The following POLQ variants were observed in gnomAD, a reference collection of about 807,000 sequenced individuals.
POLQ encodes the protein epididymis secretory sperm binding protein.
POLQ carries 233 observed loss-of-function variants against 259.2 expected under a neutral mutation model. The ratio of observed to expected loss-of-function variants is 0.90; its 90% CI spans 0.81 to 1.00. The LOEUF (loss-of-function observed/expected upper bound fraction) is 1.00, where lower values mean the gene tolerates loss of function less well. Among genes scored for constraint, POLQ ranks in the 50% least tolerant of loss-of-function variants. POLQ has a pLI of 0.00. For synonymous variants in POLQ, 1,025 were observed against 1,048.8 expected (o/e 0.98, Z 0.44); for missense variants, 2,871 against 3,051.6 (o/e 0.94, Z 1.39).
chr3:121,503,938 T>C (rs1315094474), intron 12 of POLQ, among the ~76,000 whole-genome samples: 3 of 152,114 alleles, frequency 2.0e-5, no homozygotes, highest in Admixed American at 1.3e-4. Context: ...CTGCAACCTC[T>C]GCCTCCCAGG....
chr3:121,457,383 T>G (rs2047750865), intron 25 of POLQ, among the ~76,000 whole-genome samples: 1 of 152,142 alleles, frequency 6.6e-6, no homozygotes, highest in African/African-American at 2.4e-5. Flanking sequence ...AATTGACAAA[T>G]GGGATCTAAT....
rs140585310 is a variant in POLQ at position 121,489,186 on chromosome 3, G to A, written c.3745C>T (p.Pro1249Ser). ...RIKLNTEENKPSHFQALGDDI... is the reference protein window; with the variant it reads ...RIKLNTEENKSSHFQALGDDI... ...TCTCCTAATGCCTGAAAATGACTTGGTTTATTTTCCTCTGTATTAAGCTTT... is the reference window on the plus strand; with the variant it reads ...TCTCCTAATGCCTGAAAATGACTTGATTTATTTTCCTCTGTATTAAGCTTT... The change falls in exon 16 of 30, where the codon CCA becomes TCA. Residue 1249 changes from proline (P) to serine (S), a missense_variant. Transcript: ENST00000264233. 6.2e-7 allele frequency: 1 copy of A among 1,612,194 alleles called. No homozygotes were observed. Among genetic ancestry groups the A allele is most frequent in the Non-Finnish European group, 8.5e-7 (1 of 1,179,416 alleles).
Position 121,449,382 on chromosome 3 carries a change from T to C in POLQ, c.7197A>G (p.Gly2399=). Reference sequence around the variant, plus strand: ...CATTTTCTTTAATGCCCATCTGCTCTCCCAAAGATTTAGCTCCCATTCCAT... The same window carrying C: ...CATTTTCTTTAATGCCCATCTGCTCCCCCAAAGATTTAGCTCCCATTCCAT... The part of the protein sequence containing the change: ...IIYGMGAKSL[G]EQMGIKENDA... Residue 2399 remains glycine (G), a synonymous_variant, in exon 26 of 30, where the codon GGA becomes GGG. Transcript: ENST00000264233. 2 of 1,607,614 alleles carry C rather than the reference T, an allele frequency of 1.2e-6. No homozygotes were observed. The highest frequency in any genetic ancestry group is 1.1e-5 in the South Asian group (1 of 90,950).
chr3:121,525,730 T>G (rs1051175657), intron 7 of POLQ, among the ~76,000 whole-genome samples: 1 of 152,210 alleles, frequency 6.6e-6, no homozygotes, highest in African/African-American at 2.4e-5. Flanking sequence ...TAATGTCAAC[T>G]TGTTTTATGG....
At chr3:121,468,525 A>G in intron 22 of POLQ, 94 bp from the exon 23 acceptor site, 1 of 820,760 alleles carries the variant, frequency 1.2e-6, no homozygotes. Flanking sequence ...TTAAAAATGC[A>G]GACTATCAAT....
At chr3:121,501,433 G>A (rs1462525029) in intron 12 of POLQ, among the ~76,000 whole-genome samples, 1 of 149,630 alleles carries the variant, frequency 6.7e-6, no homozygotes, top group East Asian at 2.0e-4. Context: ...GCCGAGGCGG[G>A]CGGATCACGA....
At chr3:121,525,545 C>T (rs1430144541) in intron 7 of POLQ, among the ~76,000 whole-genome samples, 6 of 151,984 alleles carry the variant, frequency 3.9e-5, no homozygotes, top group African/African-American at 4.8e-5. Flanking sequence ...TGTAACTTTA[C>T]GCAAATACAT....
chr3:121,439,951 T>G, intron 27 of POLQ, 41 bp downstream of exon 27: 1 of 1,549,844 alleles, frequency 6.5e-7, no homozygotes, highest in Non-Finnish European at 8.9e-7. Flanking sequence ...GTACATGTCA[T>G]TGAAATGTTA....
At chr3:121,534,364 C>T (rs892823087) in intron 5 of POLQ, among the ~76,000 whole-genome samples, 1 of 151,276 alleles carries the variant, frequency 6.6e-6, no homozygotes, top group African/African-American at 2.4e-5. Flanking sequence ...GGGTCTAGCT[C>T]TGTCACCCAG....
At chr3:121,495,001 G>C in intron 14 of POLQ, 1 of 646,222 alleles carries the variant, frequency 1.5e-6, no homozygotes, top group South Asian at 2.1e-5. Context: ...GCTGGGCGCA[G>C]TGGCTCACGC....
Position 121,489,971 on chromosome 3 carries a change from C to G in POLQ, c.2960G>C (p.Arg987Thr), listed in dbSNP as rs1421386348. 3 of 1,581,222 alleles carry G rather than the reference C, an allele frequency of 1.9e-6. No homozygotes were observed. Among genetic ancestry groups the G allele is most frequent in the Non-Finnish European group, 2.6e-6 (3 of 1,171,188 alleles). The change falls in exon 16 of 30, where the codon AGA becomes ACA. Residue 987 changes from arginine (R) to threonine (T), a missense_variant. By Grantham distance (71) the Arg-to-Thr change is moderately conservative. Around this residue, in one of 3 missense-constraint regions of POLQ, gnomAD observed 2,080 missense variants for 2,126.0 expected, o/e 0.98. Transcript: ENST00000264233. ...ATCTAAAGAGGCCCGTTTTCTTGCT[C>G]TGAAAATGGAACATGTCTGATGTTC... ...NQEHQTCSIFRARKRASLDIN... is the reference protein window; with the variant it reads ...NQEHQTCSIFTARKRASLDIN...
At chr3:121,481,030 A>G (rs1384668943) in intron 19 of POLQ, among the ~76,000 whole-genome samples, 1 of 152,218 alleles carries the variant, frequency 6.6e-6, no homozygotes, top group Non-Finnish European at 1.5e-5. Context: ...AACAATGACA[A>G]TAAATTCATG....
In POLQ at chr3:121,519,976, G is replaced by A. The variant is rs1423569322; in HGVS notation, c.1363C>T (p.Arg455Cys). Residue 455 changes from arginine (R) to cysteine (C), a missense_variant, in exon 9 of 30, where the codon CGT (arginine) becomes TGT (cysteine). Physicochemically the swap from Arg to Cys is radical, Grantham distance 180. Transcript: ENST00000264233. ...TLSSGVNLPARRVIIRTPIFG... is the reference protein window; with the variant it reads ...TLSSGVNLPACRVIIRTPIFG... ...ATAGGGGTTCGAATAATCACACGAC[G>A]TGCAGGTAAATTCACCCCAGAAGAA... 8.7e-6 allele frequency: 14 copies of A among 1,611,190 alleles called. No homozygotes were observed. The highest frequency in any genetic ancestry group is 1.6e-4 in the Middle Eastern group (1 of 6,084).
intron 9 of POLQ, among the ~76,000 whole-genome samples, chr3:121,513,950 A>T (rs886867714): frequency 1.5e-5 from 2 of 131,192 alleles, no homozygotes; most frequent in African/African-American, 5.8e-5. Flanking sequence ...TGAGCCCTGG[A>T]GGTGGAGGTT....
At chr3:121,444,487 T>C (rs1024273230) in intron 26 of POLQ, among the ~76,000 whole-genome samples, 15 of 152,300 alleles carry the variant, frequency 9.8e-5, no homozygotes, top group African/African-American at 2.9e-4. Context: ...GTTCTAATAG[T>C]TTTTTGATGG....
rs901434419 is a variant in POLQ, at chr3:121,504,678, A to G, written c.1959+4883T>C. ...AAAATACCAGCAAACCAAATCCAGC[A>G]ACATAAAAAGGATTATACAACCTAA... On this transcript the variant is annotated intron_variant, in intron 12 of 29. Coordinates refer to ENST00000264233, the MANE Select transcript of POLQ (RefSeq NM_199420.4). 3.3e-5 allele frequency among the ~76,000 whole-genome samples: 5 copies of G among 152,240 alleles called. 1 individual carries two copies. The highest frequency in any genetic ancestry group is 1.2e-4 in the African/African-American group (5 of 41,468).
At chr3:121,493,413 A>C in intron 15 of POLQ, 65 bp downstream of exon 15, 1 of 1,220,854 alleles carries the variant, frequency 8.2e-7, no homozygotes, top group South Asian at 1.5e-5. Flanking sequence ...TACATTATCT[A>C]TTATTTTAAA....
At chr3:121,443,228 A>G (rs2108775351) in intron 26 of POLQ, among the ~76,000 whole-genome samples, 1 of 152,314 alleles carries the variant, frequency 6.6e-6, no homozygotes, top group Non-Finnish European at 1.5e-5. Context: ...ACCAAAGGTG[A>G]ATGATGGTTC....
At chr3:121,443,499 ATC>A (rs2108775443) in intron 26 of POLQ, among the ~76,000 whole-genome samples, 1 of 152,064 alleles carries the variant, frequency 6.6e-6, no homozygotes, top group South Asian at 2.1e-4. Flanking sequence ...CTGCTTATTA[ATC>A]TCTTGTCAAA....
Sources: allele counts gnomAD v4.1 joint callset (sites outside exome capture counted in the v4.1 genomes callset), GRCh38; gene constraint gnomAD v4.1.1; regional missense constraint gnomAD v4.1.1; transcripts MANE v1.5; gene names NCBI Gene and HGNC (gene_info 2026-07-23, HGNC 2026-07-21).